Variants in ZNF28 observed in about 807,000 individuals in gnomAD.
ZNF28 encodes the protein zinc finger protein 28, also known as zinc finger protein KOX24.
A neutral mutation model predicts 7.2 loss-of-function variants in ZNF28; 5 were observed. That is an observed-to-expected ratio of 0.70 (90% CI 0.36 to 1.46). The LOEUF (loss-of-function observed/expected upper bound fraction) is 1.46, where lower values mean the gene tolerates loss of function less well. Ranked by LOEUF, ZNF28 falls within the 40% of genes most tolerant of loss-of-function variation. The probability of loss-of-function intolerance (pLI) is 0.03; values close to 1 mark genes in which losing one functional copy is unlikely to be tolerated. For missense variants in ZNF28, 879 were observed against 866.6 expected, an observed-to-expected ratio of 1.01 and a Z score of -0.18; for synonymous variants, 288 against 292.4, an observed-to-expected ratio of 0.99 and a Z score of 0.15.
intron 2 of ZNF28, among the ~76,000 whole-genome samples, chr19:52,812,175 C>T (rs1321520927): frequency 8.2e-6 from 1 of 121,886 alleles, no homozygotes; most frequent in Non-Finnish European, 1.6e-5. Flanking sequence ...CCAGCCGCCC[C>T]ATCTGGGAGG....
rs2062850778 is a variant in ZNF28 at position 52,800,462 on chromosome 19, A to G, written c.1383T>C (p.His461=). The change falls in exon 4 of 4, where the codon CAT becomes CAC. Residue 461 remains histidine (H), a synonymous_variant. Transcript: ENST00000457749. ...QSTLARHHRL[H]TAEKPYKCEE... ...CACATTTGTATGGTTTCTCTGCAGT[A>G]TGAAGTCTATGATGGCGTGCAAGAG... The G allele has an allele frequency of 6.2e-7, 1 of 1,613,642 alleles. No individual in the cohort carries two copies. Among genetic ancestry groups the G allele is most frequent in the Non-Finnish European group, 8.5e-7 (1 of 1,179,864 alleles).
At chr19:52,811,087 T>A (rs955130388) in intron 2 of ZNF28, among the ~76,000 whole-genome samples, 9 of 142,598 alleles carry the variant, frequency 6.3e-5, no homozygotes, top group African/African-American at 1.6e-4. Context: ...GGAGACGGGG[T>A]TTCGCTGTGT....
At chr19:52,817,367 C>T (rs73067587) in intron 2 of ZNF28, among the ~76,000 whole-genome samples, 8,506 of 151,746 alleles carry the variant, frequency 0.056, 322 homozygotes, top group African/African-American at 0.11. Flanking sequence ...AGTGAAACTC[C>T]GCTTCAAAAA....
chr19:52,817,199 C>T (rs2063137733), intron 2 of ZNF28, among the ~76,000 whole-genome samples: 1 of 152,008 alleles, frequency 6.6e-6, no homozygotes, highest in African/African-American at 2.4e-5. Context: ...ATGGAGAAAC[C>T]TCGTCTCTAC....
At chr19:52,808,693 G>C (rs1281656341) in intron 2 of ZNF28, among the ~76,000 whole-genome samples, 5 of 151,356 alleles carry the variant, frequency 3.3e-5, no homozygotes, top group Non-Finnish European at 5.9e-5. Flanking sequence ...AGGCACCTGC[G>C]GTCCCAGCTA....
Position 52,798,349 on chromosome 19 carries a change from T to C in ZNF28, c.*1339A>G, listed in dbSNP as rs1400485608. On this transcript the variant is annotated 3_prime_UTR_variant, in exon 4 of 4. Coordinates refer to ENST00000457749, the MANE Select transcript of ZNF28 (RefSeq NM_006969.5). ...AATGTCAATTAATGCTTAAACTCAA[T>C]GTTAAGTCAACTCAAACTCAGGTCA... The C allele has an allele frequency of 8.8e-6, 3 of 340,788 alleles. No individual in the cohort carries two copies. The highest frequency in any genetic ancestry group is 1.7e-5 in the Non-Finnish European group (3 of 173,854). 21.1% of individuals were successfully genotyped at this position (340,788 alleles called of 1,614,324 possible).
chr19:52,817,192 G>C (rs2063137595), intron 2 of ZNF28, among the ~76,000 whole-genome samples: 1 of 152,024 alleles, frequency 6.6e-6, no homozygotes, highest in Non-Finnish European at 1.5e-5. Context: ...GATCAACATG[G>C]AGAAACCTCG....
chr19:52,810,515 A>C, intron 2 of ZNF28: 1 of 1,592,394 alleles, frequency 6.3e-7, no homozygotes, highest in South Asian at 1.1e-5. Flanking sequence ...AAGGCAAATC[A>C]AGGTGATCCC....
intron 2 of ZNF28, chr19:52,810,317 T>G (rs2063002823): frequency 1.9e-6 from 3 of 1,592,640 alleles, no homozygotes; most frequent in Non-Finnish European, 2.6e-6. Flanking sequence ...GTTCCATCAA[T>G]GCTGGCAATG....
At chr19:52,803,917 A>G (rs1454682531) in intron 3 of ZNF28, among the ~76,000 whole-genome samples, 1 of 152,140 alleles carries the variant, frequency 6.6e-6, no homozygotes, top group African/African-American at 2.4e-5. Context: ...AGATCATGCC[A>G]CTGCATTCCA....
Position 52,799,136 on chromosome 19 carries a change from T to G in ZNF28, c.*552A>C. ...CTGCAGTATGAAGACTATGATGACT[T>G]GCAAGGTGTGACTGTTGATTAAAAA... On this transcript the variant is annotated 3_prime_UTR_variant, in exon 4 of 4. Coordinates refer to ENST00000457749, the MANE Select transcript of ZNF28 (RefSeq NM_006969.5). 2.4e-6 allele frequency: 1 copy of G among 409,292 alleles called. No homozygotes were observed. Among genetic ancestry groups the G allele is most frequent in the Admixed American group, 3.8e-5 (1 of 26,424 alleles). 25.4% of individuals were successfully genotyped at this position (409,292 alleles called of 1,614,324 possible).
chr19:52,806,799 A>C (rs1332147973), intron 3 of ZNF28, among the ~76,000 whole-genome samples: 1 of 151,898 alleles, frequency 6.6e-6, no homozygotes, highest in Non-Finnish European at 1.5e-5. Flanking sequence ...CTACTCAGGA[A>C]TCTGGGGCAT....
At chr19:52,801,819 C>T (rs1232863994) in intron 3 of ZNF28, 117 bp from the exon 4 acceptor site, 4 of 1,006,898 alleles carry the variant, frequency 4.0e-6, no homozygotes, top group African/African-American at 1.6e-5. Context: ...ACATGATCTT[C>T]AAAGTTTAAG....
intron 2 of ZNF28, among the ~76,000 whole-genome samples, chr19:52,808,812 C>CAAAAT (rs1371487438): frequency 6.6e-6 from 1 of 151,892 alleles, no homozygotes; most frequent in Non-Finnish European, 1.5e-5. Flanking sequence ...GACCCCATCT[C>CAAAAT]AAAATAAAAT....
chr19:52,809,776 GC>G, intron 2 of ZNF28: 1 of 496,254 alleles, frequency 2.0e-6, no homozygotes, highest in Non-Finnish European at 3.5e-6. Flanking sequence ...CTTCACTGCA[GC>G]CTGGGTGACA....
intron 1 of ZNF28, 48 bp from the exon 2 acceptor site, chr19:52,818,079 C>T (rs1193319305): frequency 6.7e-7 from 1 of 1,495,418 alleles, no homozygotes. Flanking sequence ...AACACATCCC[C>T]TCCCTGTAAC....
rs1054370504 is a variant in ZNF28, at chr19:52,815,601, A to G, written c.15+2343T>C. ...GCACTTTGGGAGGCCGAGGCGGGCGAATCATGAGGTCAGGAGATCGAGACC... is the reference window on the plus strand; with the variant it reads ...GCACTTTGGGAGGCCGAGGCGGGCGGATCATGAGGTCAGGAGATCGAGACC... On this transcript the variant is annotated intron_variant, in intron 2 of 3. Coordinates refer to ENST00000457749, the MANE Select transcript of ZNF28 (RefSeq NM_006969.5). Among the ~76,000 whole-genome samples, 3 of 146,480 alleles carry G rather than the reference A, an allele frequency of 2.0e-5. 1 individual carries two copies. Among genetic ancestry groups the G allele is most frequent in the African/African-American group, 7.9e-5 (3 of 37,792 alleles).
intron 2 of ZNF28, chr19:52,809,945 G>C (rs1025159065): frequency 1.2e-5 from 10 of 830,684 alleles, no homozygotes; most frequent in Admixed American, 2.0e-5. Flanking sequence ...AGGTTGCCCC[G>C]GGGGGCGCAG....
intron 2 of ZNF28, among the ~76,000 whole-genome samples, chr19:52,808,642 A>G (rs965374844): frequency 1.3e-5 from 2 of 150,840 alleles, no homozygotes; most frequent in Non-Finnish European, 3.0e-5. Context: ...AAAAAAAAAA[A>G]TTAAAAAAAA....
Sources: allele counts gnomAD v4.1 joint callset (sites outside exome capture counted in the v4.1 genomes callset), GRCh38; gene constraint gnomAD v4.1.1; transcripts MANE v1.5; gene names NCBI Gene and HGNC (gene_info 2026-07-23, HGNC 2026-07-21).